Variants in GNAQ observed in about 807,000 individuals in gnomAD.
GNAQ encodes the protein G protein subunit alpha q.
In GNAQ, 8 loss-of-function variants were observed where a neutral mutation model predicts 43.9. That is an observed-to-expected ratio of 0.18 (90% CI 0.11 to 0.33). The LOEUF (loss-of-function observed/expected upper bound fraction) is 0.33. Among genes scored for constraint, GNAQ ranks in the 10% least tolerant of loss-of-function variants. The pLI is 1.00. For missense variants in GNAQ, 158 were observed against 450.8 expected (o/e 0.35, Z 5.88); for synonymous variants, 155 against 170.7 (o/e 0.91, Z 0.71).
intron 2 of GNAQ, among the ~76,000 whole-genome samples, chr9:77,918,901 T>G (rs1021207050): frequency 6.6e-6 from 1 of 152,208 alleles, no homozygotes; most frequent in Admixed American, 6.6e-5. Flanking sequence ...ACGAGGAGAC[T>G]CTCAATTGTT....
intron 5 of GNAQ, among the ~76,000 whole-genome samples, chr9:77,740,072 C>G (rs1677152418): frequency 6.6e-6 from 1 of 152,118 alleles, no homozygotes; most frequent in Non-Finnish European, 1.5e-5. Context: ...AATAAATAAC[C>G]CAAAACAATT....
At chr9:77,950,289 T>A (rs1822959654) in intron 1 of GNAQ, among the ~76,000 whole-genome samples, 1 of 152,214 alleles carries the variant, frequency 6.6e-6, no homozygotes, top group Non-Finnish European at 1.5e-5. Context: ...TGCAGTATGT[T>A]ATTAAGCTTG....
At chr9:77,758,969 A>G (rs188441036) in intron 5 of GNAQ, among the ~76,000 whole-genome samples, 2 of 152,350 alleles carry the variant, frequency 1.3e-5, no homozygotes, top group African/African-American at 4.8e-5. Flanking sequence ...TCCTGTTTAT[A>G]AAAATTAAAA....
intron 1 of GNAQ, among the ~76,000 whole-genome samples, chr9:77,987,706 A>G (rs1197349072): frequency 2.0e-5 from 3 of 152,120 alleles, no homozygotes; most frequent in Non-Finnish European, 4.4e-5. Flanking sequence ...GGGAGCTTCT[A>G]GTATTCGGAA....
intron 2 of GNAQ, among the ~76,000 whole-genome samples, chr9:77,835,048 G>A (rs765983866): frequency 6.6e-6 from 1 of 151,970 alleles, no homozygotes; most frequent in Non-Finnish European, 1.5e-5. Flanking sequence ...CTGAATCCTA[G>A]TATACATTTT....
chr9:77,762,843 G>T (rs1487564209), intron 5 of GNAQ, among the ~76,000 whole-genome samples: 1 of 152,088 alleles, frequency 6.6e-6, no homozygotes, highest in African/African-American at 2.4e-5. Flanking sequence ...TCCACTCAGG[G>T]TTAAATGGAT....
chr9:77,726,858 A>C (rs72734713), intron 6 of GNAQ, among the ~76,000 whole-genome samples: 1 of 152,132 alleles, frequency 6.6e-6, no homozygotes, highest in Non-Finnish European at 1.5e-5. Flanking sequence ...GCTCTTAACT[A>C]TCTAGACCAC....
chr9:77,778,944 A>C lies in GNAQ; in HGVS notation c.735+15519T>G, dbSNP rs561060039. Among the ~76,000 whole-genome samples, 15 of 152,090 alleles carry C rather than the reference A, an allele frequency of 9.9e-5. No individual in the cohort carries two copies. The South Asian group carries it at 1.0e-3, about 10-fold the overall frequency. On this transcript the variant is annotated intron_variant, in intron 5 of 6. Transcript: ENST00000286548. ...AAAACATGAGGCAAAAACTGATAGA[A>C]GGAAAACAGATAAACCCGCTATTAC...
At chr9:77,915,561 T>C (rs185113120) in intron 2 of GNAQ, among the ~76,000 whole-genome samples, 3 of 152,130 alleles carry the variant, frequency 2.0e-5, no homozygotes, top group African/African-American at 7.2e-5. Context: ...ACATTATCTA[T>C]TTAACCCTTG....
intron 1 of GNAQ, among the ~76,000 whole-genome samples, chr9:77,941,187 A>G (rs1829310729): frequency 6.6e-6 from 1 of 152,190 alleles, no homozygotes; most frequent in Non-Finnish European, 1.5e-5. Context: ...TTGGAATTCT[A>G]TACACCAATG....
chr9:77,796,288 AT>A lies in GNAQ; in HGVS notation c.605+1231del, dbSNP rs1488420228. 2.6e-5 allele frequency among the ~76,000 whole-genome samples: 4 copies of A among 152,318 alleles called. No homozygotes were observed. In the East Asian group the frequency reaches 7.7e-4, roughly 29 times the overall value. Reference sequence around the variant, plus strand: ...AGAAAACACAGTGTCACGGCAAGGAATGAAGGTGGGCCTGCTAATCAGAATC... The same window carrying A: ...AGAAAACACAGTGTCACGGCAAGGAAGAAGGTGGGCCTGCTAATCAGAATC... On this transcript the variant is annotated intron_variant, in intron 4 of 6. Transcript: ENST00000286548.
chr9:77,784,651 G>C (rs769090037), intron 5 of GNAQ, among the ~76,000 whole-genome samples: 4 of 152,134 alleles, frequency 2.6e-5, no homozygotes, highest in Non-Finnish European at 4.4e-5. Context: ...AATTTTAAAA[G>C]ATTGATAAAT....
chr9:77,853,618 G>C (rs1235662209), intron 2 of GNAQ, among the ~76,000 whole-genome samples: 1 of 151,674 alleles, frequency 6.6e-6, no homozygotes, highest in African/African-American at 2.4e-5. Context: ...TCAAACTCTG[G>C]GAAATCTTAA....
rs979653923 is a variant in GNAQ, at chr9:77,720,469, G to T, written c.*854C>A. On this transcript the variant is annotated 3_prime_UTR_variant, in exon 7 of 7. Coordinates refer to ENST00000286548, the MANE Select transcript of GNAQ (RefSeq NM_002072.5). ...GGGTAGCAGCCATTAGGGTAATGTA[G>T]TGTCTGTTGGCATCTTTTTTGGCAT... The T allele has an allele frequency of 4.3e-6, 1 of 233,452 alleles. No individual in the cohort carries two copies. The highest frequency in any genetic ancestry group is 1.8e-4 in the South Asian group (1 of 5,526). 14.5% of individuals were successfully genotyped at this position (233,452 alleles called of 1,614,324 possible).
chr9:77,915,978 T>G (rs1363388490), intron 2 of GNAQ, among the ~76,000 whole-genome samples: 1 of 152,194 alleles, frequency 6.6e-6, no homozygotes, highest in Non-Finnish European at 1.5e-5. Flanking sequence ...CCTTCCCCTG[T>G]CTAAAGACTT....
intron 2 of GNAQ, among the ~76,000 whole-genome samples, chr9:77,894,265 AAAG>A (rs559550713): frequency 1.2e-3 from 149 of 129,262 alleles, no homozygotes; most frequent in African/African-American, 4.5e-3. Flanking sequence ...TTAAGTCATA[AAAG>A]AAGCAGTATT....
intron 2 of GNAQ, among the ~76,000 whole-genome samples, chr9:77,905,389 T>G (rs143940946): frequency 6.6e-6 from 1 of 152,320 alleles, no homozygotes; most frequent in East Asian, 1.9e-4. Context: ...GATTAGAGTC[T>G]CTGGTGGCTG....
intron 1 of GNAQ, among the ~76,000 whole-genome samples, chr9:77,943,606 C>T (rs56216006): frequency 6.6e-6 from 1 of 150,606 alleles, no homozygotes; most frequent in Non-Finnish European, 1.5e-5. Context: ...TTGATTTCCT[C>T]TACTACACAA....
chr9:78,002,400 T>C (rs1823655302), intron 1 of GNAQ, among the ~76,000 whole-genome samples: 1 of 152,138 alleles, frequency 6.6e-6, no homozygotes, highest in Non-Finnish European at 1.5e-5. Flanking sequence ...ACAAGAAAGA[T>C]ACGCTGAAAA....
Sources: allele counts gnomAD v4.1 joint callset (sites outside exome capture counted in the v4.1 genomes callset), GRCh38; gene constraint gnomAD v4.1.1; transcripts MANE v1.5; gene names NCBI Gene and HGNC (gene_info 2026-07-23, HGNC 2026-07-21).